Variants in MS4A6E observed in about 807,000 individuals in gnomAD.
MS4A6E encodes the protein membrane spanning 4-domains A6E.
Under a neutral mutation model 13.2 loss-of-function variants are expected in MS4A6E, and 8 were observed. The observed-to-expected ratio is 0.60, with a 90% CI of 0.35 to 1.09. The LOEUF is 1.09. MS4A6E is among the 50% of genes least tolerant of loss of function. MS4A6E has a pLI of 0.02. For synonymous variants in MS4A6E, 72 were observed against 67.6 expected, an observed-to-expected ratio of 1.06 and a Z score of -0.32; for missense variants, 177 against 171.1, an observed-to-expected ratio of 1.03 and a Z score of -0.19.
At chr11:60,330,272 A>T (rs2085146130) in intron 1 of MS4A6E, among the ~76,000 whole-genome samples, 1 of 141,384 alleles carries the variant, frequency 7.1e-6, no homozygotes, top group South Asian at 2.3e-4. Context: ...CACTCTGATG[A>T]TAGTTTCTTT....
At chr11:60,346,463 TG>T (rs1426899744) in intron 4 of MS4A6E, among the ~76,000 whole-genome samples, 2 of 152,212 alleles carry the variant, frequency 1.3e-5, no homozygotes, top group African/African-American at 4.8e-5. Flanking sequence ...GAACTGCCTG[TG>T]TAATAAACTT....
downstream of MS4A6E, among the ~76,000 whole-genome samples, chr11:60,345,135 C>T (rs543557606): frequency 7.2e-5 from 11 of 152,054 alleles, no homozygotes; most frequent in East Asian, 1.9e-4. Flanking sequence ...GGGGTTTCAC[C>T]GTGTTAGCCA....
intron 3 of MS4A6E, chr11:60,338,427 G>A: frequency 6.1e-6 from 1 of 163,476 alleles, no homozygotes; most frequent in Non-Finnish European, 1.3e-5. Context: ...GGGGTTAGAT[G>A]GTAAGGGTTT....
chr11:60,339,784 C>A, intron 3 of MS4A6E, 82 bp from the exon 4 acceptor site: 1 of 1,191,652 alleles, frequency 8.4e-7, no homozygotes, highest in Non-Finnish European at 1.2e-6. Context: ...AGGTGGTCTT[C>A]ATCTCTATGG....
At chr11:60,327,969 G>A (rs2085130366) in intron 1 of MS4A6E, among the ~76,000 whole-genome samples, 1 of 140,670 alleles carries the variant, frequency 7.1e-6, no homozygotes, top group Non-Finnish European at 1.5e-5. Context: ...GGCGGAAGTT[G>A]CCATGAGCCA....
At position 60,337,864 on chromosome 11, in the gene MS4A6E, G is replaced by C; in HGVS notation, c.271G>C (p.Asp91His). The C allele has an allele frequency of 6.2e-7, 1 of 1,614,164 alleles. No homozygotes were observed. The highest frequency in any genetic ancestry group is 8.5e-7 in the Non-Finnish European group (1 of 1,180,028). ...ATTGCAGTGTAAGTTGGACGAAAAGGATATACCAACCAGACTTCTTCTTTC... is the reference window on the plus strand; with the variant it reads ...ATTGCAGTGTAAGTTGGACGAAAAGCATATACCAACCAGACTTCTTCTTTC... ...ASLQCKLDEK[D>H]IPTRLLLSYD... The change falls in exon 3 of 5, where the codon GAT becomes CAT. Residue 91 changes from aspartate (D) to histidine (H), a missense_variant. By Grantham distance (81) the Asp-to-His change is moderately conservative. Coordinates refer to ENST00000684409, the MANE Select transcript of MS4A6E (RefSeq NM_139249.4).
Position 60,337,932 on chromosome 11 carries a change from C to T in MS4A6E, c.339C>T (p.Ala113=), listed in dbSNP as rs767874211. The T allele has an allele frequency of 1.9e-6, 3 of 1,614,098 alleles. No homozygotes were observed. The highest frequency in any genetic ancestry group is 1.7e-6 in the Non-Finnish European group (2 of 1,179,960). ...CTTACACCATGGACTGCCATAGAGC[C>T]AAAGCCAGTCTGGCTGTAAGTATTT... The part of the protein sequence containing the change: ...HSPYTMDCHR[A]KASLAGTLSL... Residue 113 remains alanine (A), a synonymous_variant, in exon 3 of 5, where the codon GCC becomes GCT. Transcript: ENST00000684409.
chr11:60,337,095 G>A (rs1380621899), intron 2 of MS4A6E, among the ~76,000 whole-genome samples: 1 of 152,036 alleles, frequency 6.6e-6, no homozygotes, highest in Non-Finnish European at 1.5e-5. Context: ...TCTGCCCACA[G>A]CCACCCCATG....
chr11:60,338,725 A>T (rs1164316552), intron 3 of MS4A6E: 2 of 152,254 alleles, frequency 1.3e-5, no homozygotes, highest in African/African-American at 2.4e-5. Flanking sequence ...AAAGTAAAGA[A>T]GTTGCAGAAT....
intron 2 of MS4A6E, among the ~76,000 whole-genome samples, chr11:60,337,503 C>T (rs2085194918): frequency 6.6e-6 from 1 of 152,096 alleles, no homozygotes; most frequent in Non-Finnish European, 1.5e-5. Flanking sequence ...TTCTCTACCA[C>T]ACTACTGAGG....
At chr11:60,333,912 G>A (rs748843758) in intron 1 of MS4A6E, among the ~76,000 whole-genome samples, 2 of 152,176 alleles carry the variant, frequency 1.3e-5, no homozygotes, top group Non-Finnish European at 2.9e-5. Flanking sequence ...TCAGGTGAGT[G>A]CAGAGCCAGG....
At chr11:60,335,261 T>A (rs1402201840) in intron 2 of MS4A6E, among the ~76,000 whole-genome samples, 1 of 152,186 alleles carries the variant, frequency 6.6e-6, no homozygotes, top group Non-Finnish European at 1.5e-5. Context: ...GGAGTTGATT[T>A]TCTGTTGTTG....
chr11:60,332,167 T>C (rs751760568), intron 1 of MS4A6E, among the ~76,000 whole-genome samples: 2 of 152,204 alleles, frequency 1.3e-5, no homozygotes, highest in African/African-American at 2.4e-5. Context: ...AAAGTGAATA[T>C]TATGTTTCAA....
intron 1 of MS4A6E, among the ~76,000 whole-genome samples, chr11:60,331,242 A>G (rs2085154071): frequency 1.5e-5 from 1 of 65,828 alleles, no homozygotes; most frequent in South Asian, 3.2e-4. Flanking sequence ...ATTTATTAAT[A>G]TAATAATAAT....
intron 1 of MS4A6E, among the ~76,000 whole-genome samples, chr11:60,329,958 T>C (rs566735878): frequency 6.6e-6 from 1 of 151,572 alleles, no homozygotes; most frequent in Admixed American, 6.6e-5. Flanking sequence ...CCTGAGTAGC[T>C]GAGACTACAG....
rs2085178940 is a variant in MS4A6E at position 60,334,952 on chromosome 11, C to T, written c.57C>T (p.Ile19=). ...TCATAATGCTCCCATCAAATGTCAT[C>T]AACTTCTCCCAAGCAGAGAAACCCG... ...ETIIMLPSNV[I]NFSQAEKPEP... The change falls in exon 2 of 5, where the codon ATC becomes ATT. Residue 19 remains isoleucine, a synonymous_variant. Coordinates refer to ENST00000684409, the MANE Select transcript of MS4A6E (RefSeq NM_139249.4). 1 of 1,614,164 alleles carries T rather than the reference C, an allele frequency of 6.2e-7. No homozygotes were observed. Among genetic ancestry groups the T allele is most frequent in the Non-Finnish European group, 8.5e-7 (1 of 1,180,002 alleles).
chr11:60,329,861 A>G (rs1160929917), intron 1 of MS4A6E, among the ~76,000 whole-genome samples: 1 of 141,222 alleles, frequency 7.1e-6, no homozygotes, highest in Non-Finnish European at 1.5e-5. Flanking sequence ...AATATCGTTC[A>G]GTCACCCAGG....
chr11:60,340,260 A>T (rs2085215866), intron 4 of MS4A6E, among the ~76,000 whole-genome samples: 1 of 152,218 alleles, frequency 6.6e-6, no homozygotes, highest in African/African-American at 2.4e-5. Flanking sequence ...CTGGGCTGGC[A>T]TTATGATATG....
chr11:60,344,155 G>C (rs979889017), downstream of MS4A6E, among the ~76,000 whole-genome samples: 1 of 152,148 alleles, frequency 6.6e-6, no homozygotes, highest in Non-Finnish European at 1.5e-5. Flanking sequence ...CATTTTAAAA[G>C]GGCTCACTTT....
Sources: allele counts gnomAD v4.1 joint callset (sites outside exome capture counted in the v4.1 genomes callset), GRCh38; gene constraint gnomAD v4.1.1; transcripts MANE v1.5; gene names NCBI Gene and HGNC (gene_info 2026-07-23, HGNC 2026-07-21).